Variants in EML4 observed in about 807,000 individuals in gnomAD.
EML4 encodes the protein echinoderm microtubule-associated protein-like 4.
A neutral mutation model predicts 129.0 loss-of-function variants in EML4; 72 were observed. The ratio of observed to expected loss-of-function variants is 0.56; its 90% CI spans 0.46 to 0.68. EML4 has a LOEUF of 0.68. EML4 is among the 30% of genes least tolerant of loss of function. EML4 has a pLI of 0.00. For synonymous variants in EML4, 532 were observed against 405.0 expected (o/e 1.31, Z -3.77); for missense variants, 1,363 against 1,190.6 (o/e 1.14, Z -2.13).
chr2:42,247,842 T>C (rs1675512290), intron 2 of EML4, among the ~76,000 whole-genome samples: 1 of 152,048 alleles, frequency 6.6e-6, no homozygotes, highest in African/African-American at 2.4e-5. Flanking sequence ...ATATAAGCTT[T>C]GTATAGAGAG....
In EML4 at chr2:42,301,408, G is replaced by T; in HGVS notation, c.1641+16G>T. The T allele has an allele frequency of 6.3e-7, 1 of 1,589,908 alleles. No individual in the cohort carries two copies. The highest frequency in any genetic ancestry group is 8.6e-7 in the Non-Finnish European group (1 of 1,168,936). The stretch of plus-strand genomic sequence containing the variant: ...AGAAATAGAGGTAAGGATGGAAACG[G>T]AATATAAAAATATTAAATACTCTAA... On this transcript the variant is annotated intron_variant, in intron 14 of 22. Transcript: ENST00000318522.
At position 42,330,117 on chromosome 2, in the gene EML4, T is replaced by C. The variant is rs573064346; in HGVS notation, c.2856T>C (p.Pro952=). 30 of 1,612,272 alleles carry C rather than the reference T, an allele frequency of 1.9e-5. 1 individual carries two copies. In the Admixed American group the frequency reaches 4.0e-4, roughly 22 times the overall value. Residue 952 remains proline, a synonymous_variant, in exon 23 of 23, where the codon CCT becomes CCC. Transcript: ENST00000318522. Reference sequence around the variant, plus strand: ...AGGGCAGCGGAGACCTTGGTGAGCCTCTTTATGAAGAGCCATGCAACGAGA... The same window carrying C: ...AGGGCAGCGGAGACCTTGGTGAGCCCCTTTATGAAGAGCCATGCAACGAGA... The part of the protein sequence containing the change: ...SEEGSGDLGE[P]LYEEPCNEIS...
rs1269270826 is a variant in EML4 at position 42,235,155 on chromosome 2, G to A, written c.26-10350G>A. Among the ~76,000 whole-genome samples the A allele has an allele frequency of 2.0e-5, 3 of 152,144 alleles. No individual in the cohort carries two copies. The South Asian group carries it at 6.2e-4, about 31-fold the overall frequency. On this transcript the variant is annotated intron_variant, in intron 1 of 22. Transcript: ENST00000318522. The stretch of plus-strand genomic sequence containing the variant: ...TATTAAAAGTACAGAAATTAGCCGG[G>A]TGTGCTTGCAGGTGCTTGTAATCCC...
intron 1 of EML4, among the ~76,000 whole-genome samples, chr2:42,184,784 C>A (rs1572842892): frequency 1.3e-5 from 2 of 152,000 alleles, no homozygotes; most frequent in African/African-American, 4.8e-5. Flanking sequence ...CATATATTTG[C>A]CTTATGTTCT....
intron 8 of EML4, 87 bp from the exon 9 acceptor site, chr2:42,284,547 A>C (rs572502693): frequency 6.9e-5 from 56 of 811,142 alleles, no homozygotes; most frequent in Admixed American, 5.2e-4. Context: ...ACGATTAAAA[A>C]CTGCTTATTT....
chr2:42,213,310 G>A (rs1672986645), intron 1 of EML4, among the ~76,000 whole-genome samples: 1 of 152,076 alleles, frequency 6.6e-6, no homozygotes, highest in African/African-American at 2.4e-5. Flanking sequence ...AACACCATAG[G>A]TTAGTTTTGG....
intron 1 of EML4, among the ~76,000 whole-genome samples, chr2:42,216,807 T>C (rs1023695834): frequency 6.6e-6 from 1 of 152,232 alleles, no homozygotes; most frequent in African/African-American, 2.4e-5. Flanking sequence ...AGGAAAGCTA[T>C]TGAACCAAAT....
At chr2:42,287,969 T>C (rs916231160) in intron 10 of EML4, among the ~76,000 whole-genome samples, 1 of 152,070 alleles carries the variant, frequency 6.6e-6, no homozygotes, top group Non-Finnish European at 1.5e-5. Flanking sequence ...CTCTGAATAA[T>C]AGGAGTGACT....
intron 2 of EML4, among the ~76,000 whole-genome samples, chr2:42,251,248 A>C (rs905970864): frequency 6.6e-6 from 1 of 152,220 alleles, no homozygotes; most frequent in Non-Finnish European, 1.5e-5. Flanking sequence ...ATGTATATCT[A>C]ACAAACCTAA....
At chr2:42,248,895 C>G (rs1212162588) in intron 2 of EML4, among the ~76,000 whole-genome samples, 1 of 151,942 alleles carries the variant, frequency 6.6e-6, no homozygotes, top group Non-Finnish European at 1.5e-5. Flanking sequence ...CTGTATTTTC[C>G]TTTAGTGGAA....
intron 1 of EML4, among the ~76,000 whole-genome samples, chr2:42,199,084 G>A (rs1254504221): frequency 6.6e-6 from 1 of 152,182 alleles, no homozygotes; most frequent in Non-Finnish European, 1.5e-5. Context: ...GAAAGTGGAA[G>A]AACATTAACA....
intron 11 of EML4, among the ~76,000 whole-genome samples, chr2:42,290,489 G>C (rs1245440922): frequency 6.6e-6 from 1 of 151,890 alleles, no homozygotes; most frequent in African/African-American, 2.4e-5. Flanking sequence ...TACTTTGGGA[G>C]GCCAAGGCAG....
At chr2:42,240,959 A>G (rs1674990712) in intron 1 of EML4, among the ~76,000 whole-genome samples, 1 of 152,192 alleles carries the variant, frequency 6.6e-6, no homozygotes, top group African/African-American at 2.4e-5. Flanking sequence ...AGCCTGACCA[A>G]CATGGCAAAA....
At chr2:42,253,507 A>G (rs1675920447) in intron 2 of EML4, among the ~76,000 whole-genome samples, 1 of 152,200 alleles carries the variant, frequency 6.6e-6, no homozygotes, top group Non-Finnish European at 1.5e-5. Flanking sequence ...AGCATGTGGT[A>G]GGTCATTCTG....
chr2:42,177,148 T>G (rs745666588), intron 1 of EML4, among the ~76,000 whole-genome samples: 2 of 152,172 alleles, frequency 1.3e-5, no homozygotes, highest in Non-Finnish European at 2.9e-5. Flanking sequence ...AACTCTCATG[T>G]GTCTTTGAAG....
In EML4 at chr2:42,256,650, G is replaced by T. The variant is rs1676171580; in HGVS notation, c.338+20G>T. On this transcript the variant is annotated intron_variant, in intron 3 of 22. Transcript: ENST00000318522. ...TAAAAGGTACCCATTTATGAAAGGG[G>T]GAAAAACTAACATTGCAGAATTGTC... 4 of 1,612,096 alleles carry T rather than the reference G, an allele frequency of 2.5e-6. No homozygotes were observed. Among genetic ancestry groups the T allele is most frequent in the South Asian group, 1.1e-5 (1 of 90,884 alleles).
intron 21 of EML4, among the ~76,000 whole-genome samples, chr2:42,328,104 CATT>C (rs1177237291): frequency 6.6e-6 from 1 of 152,168 alleles, no homozygotes; most frequent in Non-Finnish European, 1.5e-5. Flanking sequence ...TTAATGAAGA[CATT>C]ATTTATTTAA....
intron 1 of EML4, among the ~76,000 whole-genome samples, chr2:42,178,967 A>G (rs560346012): frequency 1.3e-4 from 20 of 152,340 alleles, no homozygotes; most frequent in African/African-American, 4.3e-4. Flanking sequence ...CTAGGGGGAT[A>G]TTTTGGTGAG....
intron 1 of EML4, among the ~76,000 whole-genome samples, chr2:42,217,244 C>G (rs1673252311): frequency 1.3e-5 from 2 of 152,106 alleles, no homozygotes. Context: ...GAACTCTAGA[C>G]AAACAAATTG....
Sources: allele counts gnomAD v4.1 joint callset (sites outside exome capture counted in the v4.1 genomes callset), GRCh38; gene constraint gnomAD v4.1.1; transcripts MANE v1.5; gene names NCBI Gene and HGNC (gene_info 2026-07-23, HGNC 2026-07-21).